The following ARID1A variants were observed in gnomAD, a reference collection of about 807,000 sequenced individuals.
ARID1A encodes AT-rich interactive domain-containing protein 1A.
Under a neutral mutation model 212.6 loss-of-function variants are expected in ARID1A, and 20 were observed. The ratio of observed to expected loss-of-function variants is 0.09; its 90% CI spans 0.07 to 0.14. ARID1A has a LOEUF of 0.14. Among genes scored for constraint, ARID1A ranks in the 10% least tolerant of loss-of-function variants. The pLI is 1.00. For synonymous variants in ARID1A, 1,376 were observed against 1,222.1 expected (o/e 1.13, Z -2.63); for missense variants, 2,587 against 3,059.0 (o/e 0.85, Z 3.64).
At chr1:26,712,017 G>A (rs2080459231) in intron 1 of ARID1A, among the ~76,000 whole-genome samples, 1 of 152,062 alleles carries the variant, frequency 6.6e-6, no homozygotes, top group Non-Finnish European at 1.5e-5. Flanking sequence ...GAAGGCTGAG[G>A]CTGCAGTGAG....
chr1:26,703,016 T>G (rs2080345720), intron 1 of ARID1A, among the ~76,000 whole-genome samples: 1 of 152,236 alleles, frequency 6.6e-6, no homozygotes, highest in Admixed American at 6.5e-5. Context: ...AAAAAGATAC[T>G]GCAACTTGAG....
chr1:26,722,874 A>G (rs1414881755), intron 1 of ARID1A, among the ~76,000 whole-genome samples: 1 of 152,148 alleles, frequency 6.6e-6, no homozygotes, highest in African/African-American at 2.4e-5. Flanking sequence ...GTTGAGGCCA[A>G]ATAGGAGGTT....
chr1:26,767,299 G>T (rs568736793), intron 10 of ARID1A, among the ~76,000 whole-genome samples: 4 of 152,188 alleles, frequency 2.6e-5, no homozygotes, highest in African/African-American at 9.7e-5. Context: ...GAGGCAAAGA[G>T]TTTCTTTTCA....
At chr1:26,738,877 T>G (rs920725836) in intron 4 of ARID1A, among the ~76,000 whole-genome samples, 1 of 85,638 alleles carries the variant, frequency 1.2e-5, no homozygotes, top group East Asian at 2.5e-4. Context: ...TTTTCTTTTG[T>G]TTTTTTTTTT....
At chr1:26,732,941 A>G (rs541379585) in intron 4 of ARID1A, 149 bp downstream of exon 4, 2 of 671,280 alleles carry the variant, frequency 3.0e-6, no homozygotes, top group Middle Eastern at 2.6e-4. Flanking sequence ...TGACTTGTAG[A>G]TGTCTGTTCT....
chr1:26,720,279 A>G (rs1410145706), intron 1 of ARID1A, among the ~76,000 whole-genome samples: 1 of 151,066 alleles, frequency 6.6e-6, no homozygotes, highest in Non-Finnish European at 1.5e-5. Context: ...AACCTTCCAG[A>G]TTGGCCAACA....
intron 1 of ARID1A, among the ~76,000 whole-genome samples, chr1:26,698,214 T>C (rs2080298154): frequency 6.6e-6 from 1 of 152,384 alleles, no homozygotes; most frequent in East Asian, 1.9e-4. Flanking sequence ...ATTTGAATTA[T>C]GGAGGTAAAA....
chr1:26,699,234 A>G (rs1324723000), intron 1 of ARID1A, among the ~76,000 whole-genome samples: 1 of 152,224 alleles, frequency 6.6e-6, no homozygotes, highest in Non-Finnish European at 1.5e-5. Flanking sequence ...AGATTTGCTT[A>G]GAAATTGCAA....
chr1:26,707,562 C>T (rs2080405093), intron 1 of ARID1A, among the ~76,000 whole-genome samples: 1 of 152,022 alleles, frequency 6.6e-6, no homozygotes, highest in African/African-American at 2.4e-5. Flanking sequence ...AGGCTAGTCT[C>T]GAACTCCTGA....
At chr1:26,707,855 GGGTTTGTCTGACAAGGTAGACAA>G (rs1347898794) in intron 1 of ARID1A, among the ~76,000 whole-genome samples, 4 of 152,078 alleles carry the variant, frequency 2.6e-5, no homozygotes, top group Admixed American at 2.6e-4. Flanking sequence ...AGGTAGAGTT[GGGTTTGTCTGACAAGGTAGACAA>G]GGTTTGTCTG....
rs2080749983 is a variant in ARID1A, at chr1:26,737,939, TG to T, written c.1920+5149del. Among the ~76,000 whole-genome samples the T allele has an allele frequency of 3.3e-5, 5 of 152,186 alleles. No individual in the cohort carries two copies. The South Asian group carries it at 1.0e-3, about 32-fold the overall frequency. On this transcript the variant is annotated intron_variant, in intron 4 of 19. Transcript: ENST00000324856. ...TTTGTTTCATGTGGGGTTTGGGCAT[TG>T]GTGTGGTTAGCAGCTGTCCCAGGTG...
rs1320058653 is a variant in ARID1A, at chr1:26,749,797, T to C, written c.1921-11059T>C. Among the ~76,000 whole-genome samples, 4 of 152,316 alleles carry C rather than the reference T, an allele frequency of 2.6e-5. No homozygotes were observed. The South Asian group carries it at 6.2e-4, about 24-fold the overall frequency. ...GCTCTTACCAAGTTGCCAAAACCCA[T>C]TCGGGGTTGTACTTCTGAGTTTTAA... is the stretch of plus-strand genomic sequence containing the variant. On this transcript the variant is annotated intron_variant, in intron 4 of 19. Transcript: ENST00000324856.
At chr1:26,765,194 A>C (rs926630162) in intron 8 of ARID1A, 8 of 146,750 alleles carry the variant, frequency 5.5e-5, no homozygotes, top group African/African-American at 2.0e-4. Flanking sequence ...ACTCCATCTC[A>C]AAAAAAAATT....
chr1:26,780,509 C>G lies in ARID1A; in HGVS notation c.6611C>G (p.Ala2204Gly), dbSNP rs2124151002. The change falls in exon 20 of 20, where the codon GCC (alanine) becomes GGC (glycine). Residue 2204 changes from alanine (A) to glycine (G), a missense_variant. By Grantham distance (60) the Ala-to-Gly change is moderately conservative. Around this residue, in one of 11 missense-constraint regions of ARID1A, gnomAD observed 168 missense variants for 321.0 expected, o/e 0.52. Transcript: ENST00000324856. The surrounding 1 kb of genome is among the most constrained non-coding windows in gnomAD (Gnocchi z 7.2). Reference protein sequence around the residue: ...NLLGFLEDSLAATQFQQSQAS... With the variant: ...NLLGFLEDSLGATQFQQSQAS... ...CTGGGCTTCCTAGAGGACAGCCTTG[C>G]CGCCACACAGTTCCAGCAGAGCCAG... 1 of 1,614,196 alleles carries G rather than the reference C, an allele frequency of 6.2e-7. No homozygotes were observed. Among genetic ancestry groups the G allele is most frequent in the Non-Finnish European group, 8.5e-7 (1 of 1,180,026 alleles).
chr1:26,696,225 A>G lies in ARID1A; in HGVS notation c.-179A>G, dbSNP rs2080249066. The stretch of plus-strand genomic sequence containing the variant: ...TCCTCCTCCGCCGCCGCCAGCCCGG[A>G]GCCTGAGCCGGCGGGGCGGGGGGGA... On this transcript the variant is annotated 5_prime_UTR_variant, in exon 1 of 20. Coordinates refer to ENST00000324856, the MANE Select transcript of ARID1A (RefSeq NM_006015.6). The G allele has an allele frequency of 2.9e-6, 2 of 701,548 alleles. No homozygotes were observed. Among genetic ancestry groups the G allele is most frequent in the South Asian group, 6.8e-5 (1 of 14,666 alleles). 43.5% of individuals were successfully genotyped at this position (701,548 alleles called of 1,614,324 possible). A position where few individuals can be genotyped will look rare whatever the true frequency, so the allele number is the denominator to read the frequency against.
At position 26,696,778 on chromosome 1, in the gene ARID1A, T is replaced by TGGCGGC. The variant is rs2080260855; in HGVS notation, c.376_381dup (p.Gly126_Gly127dup). 2.3e-6 allele frequency: 3 copies of TGGCGGC among 1,331,554 alleles called. No homozygotes were observed. Among genetic ancestry groups the TGGCGGC allele is most frequent in the African/African-American group, 1.6e-5 (1 of 63,330 alleles). The allele number at this position is 1,331,554 out of a possible 1,614,324, so 82.5% of individuals were successfully genotyped here. A position where few individuals can be genotyped will look rare whatever the true frequency, so the allele number is the denominator to read the frequency against. ...TCACGGAGCCGCCCGGCGGCGGCGG[T>TGGCGGC]GGCGGCAGCAGCGATGGGGTGGGGG... On this transcript the variant is annotated inframe_insertion, in exon 1 of 20. Coordinates refer to ENST00000324856, the MANE Select transcript of ARID1A (RefSeq NM_006015.6).
chr1:26,732,623 C>T (rs2080691161), intron 3 of ARID1A, 53 bp from the exon 4 acceptor site: 6 of 1,410,194 alleles, frequency 4.3e-6, no homozygotes, highest in Middle Eastern at 2.3e-4. Context: ...TGAAGTAAGC[C>T]TGCCTGGTTT....
intron 4 of ARID1A, among the ~76,000 whole-genome samples, chr1:26,745,983 G>A (rs538575078): frequency 4.6e-5 from 7 of 152,206 alleles, no homozygotes; most frequent in African/African-American, 1.2e-4. Flanking sequence ...CCTGGGAGGC[G>A]GAGGTTGCGG....
chr1:26,710,589 C>G (rs565522143), intron 1 of ARID1A, among the ~76,000 whole-genome samples: 1 of 151,466 alleles, frequency 6.6e-6, no homozygotes, highest in South Asian at 2.1e-4. Flanking sequence ...GGTCCCTAGC[C>G]ACCAGCATCA....
Sources: allele counts gnomAD v4.1 joint callset (sites outside exome capture counted in the v4.1 genomes callset), GRCh38; gene constraint gnomAD v4.1.1; regional missense constraint gnomAD v4.1.1; non-coding constraint Gnocchi (gnomAD v3.1); transcripts MANE v1.5; gene names NCBI Gene and HGNC (gene_info 2026-07-23, HGNC 2026-07-21).